TRAF6: variants seen among roughly 807,000 people sequenced by gnomAD.
The protein encoded by TRAF6 is TNF receptor associated factor 6, also known as TNF receptor-associated factor 6.
A neutral mutation model predicts 48.4 loss-of-function variants in TRAF6; 10 were observed. The observed-to-expected ratio is 0.21, with a 90% CI of 0.13 to 0.35. The LOEUF is 0.35. Ranked by LOEUF, TRAF6 falls within the 10% of genes least tolerant of loss-of-function variation. The pLI is 1.00. For synonymous variants in TRAF6, 186 were observed against 219.6 expected, an observed-to-expected ratio of 0.85 and a Z score of 1.35; for missense variants, 397 against 661.0, an observed-to-expected ratio of 0.60 and a Z score of 4.38.
intron 4 of TRAF6, among the ~76,000 whole-genome samples, chr11:36,496,892 T>C (rs1374191947): frequency 6.6e-6 from 1 of 152,218 alleles, no homozygotes; most frequent in African/African-American, 2.4e-5. Flanking sequence ...CTAGTATAAA[T>C]GTTTTTTTAA....
chr11:36,492,585 G>A lies in TRAF6; in HGVS notation c.722C>T (p.Pro241Leu), dbSNP rs774636689. ...YDLDCPTAPI[P>L]CTFSTFGCHE... ...GCAACCAAAAGTACTGAATGTGCATGGAATTGGGGCTGTAGGGCAGTCTAG... is the reference window on the plus strand; with the variant it reads ...GCAACCAAAAGTACTGAATGTGCATAGAATTGGGGCTGTAGGGCAGTCTAG... The change falls in exon 6 of 7, where the codon CCA (proline) becomes CTA (leucine). Residue 241 changes from proline to leucine, a missense_variant. Pro to Leu is a moderately conservative substitution (Grantham distance 98). This residue lies in a region of TRAF6 where 245 missense variants were observed against 349.1 expected (regional missense o/e 0.70). Transcript: ENST00000526995. The A allele has an allele frequency of 1.9e-6, 3 of 1,611,644 alleles. No homozygotes were observed. Among genetic ancestry groups the A allele is most frequent in the African/African-American group, 1.3e-5 (1 of 74,722 alleles).
At chr11:36,493,289 T>G (rs1478601237) in intron 5 of TRAF6, among the ~76,000 whole-genome samples, 2 of 152,170 alleles carry the variant, frequency 1.3e-5, no homozygotes, top group Admixed American at 6.5e-5. Flanking sequence ...CTTTAGAAAT[T>G]TAATGTAGCT....
rs937792497 is a variant in TRAF6, at chr11:36,490,995, C to A, written c.757-345G>T. Among the ~76,000 whole-genome samples, 1 of 152,168 alleles carries A rather than the reference C, an allele frequency of 6.6e-6. No homozygotes were observed. Among genetic ancestry groups the A allele is most frequent in the African/African-American group, 2.4e-5 (1 of 41,454 alleles). ...GCTCTAAATGTTACCTGACCTGTTG[C>A]GACACCCCAGAGATTTTACTCAGTG... On this transcript the variant is annotated intron_variant, in intron 6 of 6. Transcript: ENST00000526995. The surrounding 1 kb of genome is among the most constrained non-coding windows in gnomAD (Gnocchi z 6.4).
At chr11:36,506,233 G>A (rs2133679388) in intron 1 of TRAF6, among the ~76,000 whole-genome samples, 1 of 152,112 alleles carries the variant, frequency 6.6e-6, no homozygotes, top group African/African-American at 2.4e-5. Flanking sequence ...ACTTCCTTAG[G>A]TAAATTTCCT....
rs756727944 is a variant in TRAF6, at chr11:36,492,514, A to G, written c.756+37T>C. The stretch of plus-strand genomic sequence containing the variant: ...CTACATGATGTAAATATTTTTTTTT[A>G]CTTATATTCAAGAATTAAAAGAAAA... On this transcript the variant is annotated intron_variant, in intron 6 of 6. Transcript: ENST00000526995. The G allele has an allele frequency of 8.3e-6, 12 of 1,443,414 alleles. No homozygotes were observed. In the South Asian group the frequency reaches 1.2e-4, roughly 15 times the overall value. The allele number at this position is 1,443,414 out of a possible 1,614,324, so 89.4% of individuals were successfully genotyped here. A position where few individuals can be genotyped will look rare whatever the true frequency, so the allele number is the denominator to read the frequency against.
At chr11:36,492,422 A>G in intron 6 of TRAF6, 129 bp downstream of exon 6, 1 of 773,138 alleles carries the variant, frequency 1.3e-6, no homozygotes, top group Non-Finnish European at 2.1e-6. Context: ...GCATCCATGA[A>G]TAACTCTATT....
intron 1 of TRAF6, among the ~76,000 whole-genome samples, 165 bp downstream of exon 1, chr11:36,509,883 C>G (rs937307775): frequency 2.0e-5 from 3 of 150,656 alleles, no homozygotes; most frequent in Non-Finnish European, 3.0e-5. Flanking sequence ...CGTCCCTGAC[C>G]TGTGAAAAGC....
At chr11:36,509,109 G>T in intron 1 of TRAF6, among the ~76,000 whole-genome samples, 1 of 152,142 alleles carries the variant, frequency 6.6e-6, no homozygotes, top group East Asian at 1.9e-4. Context: ...GAGAATGAAT[G>T]AAATGATAGC....
rs1387863955 is a variant in TRAF6 at position 36,486,729 on chromosome 11, TTCAAA to T, written c.*3104_*3108del. Among the ~76,000 whole-genome samples the T allele has an allele frequency of 6.6e-6, 1 of 152,154 alleles. No homozygotes were observed. Among genetic ancestry groups the T allele is most frequent in the Non-Finnish European group, 1.5e-5 (1 of 68,040 alleles). On this transcript the variant is annotated 3_prime_UTR_variant, in exon 7 of 7. Coordinates refer to ENST00000526995, the MANE Select transcript of TRAF6 (RefSeq NM_004620.4). ...AATAGATAGTAATAAACTACCAAACTTCAAATCAACATTCAGACTTGTTTGCCAAC... is the reference window on the plus strand; with the variant it reads ...AATAGATAGTAATAAACTACCAAACTTCAACATTCAGACTTGTTTGCCAAC...
chr11:36,485,329 G>A lies in TRAF6; in HGVS notation c.*4509C>T, dbSNP rs1289128066. On this transcript the variant is annotated 3_prime_UTR_variant, in exon 7 of 7. Transcript: ENST00000526995. The stretch of plus-strand genomic sequence containing the variant: ...TTCATTATTACGTATTTGAGTGTGT[G>A]CAACGTGCCAGGCACTGTGGTAAGA... 1.3e-5 allele frequency among the ~76,000 whole-genome samples: 2 copies of A among 152,190 alleles called. No individual in the cohort carries two copies. Among genetic ancestry groups the A allele is most frequent in the Non-Finnish European group, 1.5e-5 (1 of 68,050 alleles).
intron 3 of TRAF6, among the ~76,000 whole-genome samples, chr11:36,498,099 T>C (rs1859665396): frequency 6.6e-6 from 1 of 152,116 alleles, no homozygotes. Flanking sequence ...TTGGTCAGGC[T>C]GGTCTTGAAC....
intron 1 of TRAF6, among the ~76,000 whole-genome samples, chr11:36,509,555 G>A (rs1045807278): frequency 6.6e-6 from 1 of 152,166 alleles, no homozygotes; most frequent in Non-Finnish European, 1.5e-5. Context: ...ATTTAAGCAG[G>A]TGTTTGCTCC....
intron 1 of TRAF6, among the ~76,000 whole-genome samples, chr11:36,506,072 G>A (rs1425126767): frequency 4.6e-5 from 7 of 151,926 alleles, no homozygotes; most frequent in East Asian, 1.9e-4. Flanking sequence ...GTGAGCACAC[G>A]CTGTTGGAAA....
intron 3 of TRAF6, 22 bp from the exon 4 acceptor site, chr11:36,497,288 A>C: frequency 6.3e-7 from 1 of 1,599,542 alleles, no homozygotes. Flanking sequence ...AAAATAATGG[A>C]TTAGCATTAG....
intron 1 of TRAF6, among the ~76,000 whole-genome samples, chr11:36,507,966 C>T (rs985463649): frequency 6.6e-6 from 1 of 151,280 alleles, no homozygotes; most frequent in African/African-American, 2.4e-5. Flanking sequence ...AGTGATCCTC[C>T]CACCTCAGTC....
At position 36,489,540 on chromosome 11, in the gene TRAF6, A is replaced by G. The variant is rs1859532579; in HGVS notation, c.*298T>C. On this transcript the variant is annotated 3_prime_UTR_variant, in exon 7 of 7. Transcript: ENST00000526995. The stretch of plus-strand genomic sequence containing the variant: ...ACTTTCTGACAATAAAATACACCAG[A>G]GCAAAAGCCCAAGAAAGTACAACAA... 1 of 344,452 alleles carries G rather than the reference A, an allele frequency of 2.9e-6. No individual in the cohort carries two copies. Among genetic ancestry groups the G allele is most frequent in the Admixed American group, 4.4e-5 (1 of 22,584 alleles). The allele number at this position is 344,452 out of a possible 1,614,324, so 21.3% of individuals were successfully genotyped here.
rs1429532893 is a variant in TRAF6 at position 36,497,217 on chromosome 11, T to C, written c.497A>G (p.Gln166Arg). The C allele has an allele frequency of 1.9e-6, 3 of 1,613,902 alleles. No individual in the cohort carries two copies. Among genetic ancestry groups the C allele is most frequent in the Non-Finnish European group, 2.5e-6 (3 of 1,179,976 alleles). ...EFALMDCPQC[Q>R]RPFQKFHINI... ...AATATGGAATTTTTGGAAGGGACGC[T>C]GGCATTGGGGACAATCCATAAGAGC... Residue 166 changes from glutamine to arginine, a missense_variant, in exon 4 of 7, where the codon CAG becomes CGG. Physicochemically the swap from Gln to Arg is conservative, Grantham distance 43 (BLOSUM62 1). This residue lies in a region of TRAF6 where 245 missense variants were observed against 349.1 expected (regional missense o/e 0.70). Coordinates refer to ENST00000526995, the MANE Select transcript of TRAF6 (RefSeq NM_004620.4).
At chr11:36,494,922 A>G (rs1162906132) in intron 5 of TRAF6, 54 bp downstream of exon 5, 4 of 1,285,782 alleles carry the variant, frequency 3.1e-6, no homozygotes, top group Non-Finnish European at 4.4e-6. Context: ...AAAAAACCTA[A>G]TTCACTTCTT....
intron 4 of TRAF6, among the ~76,000 whole-genome samples, chr11:36,495,806 C>T (rs370812365): frequency 6.6e-6 from 1 of 151,992 alleles, no homozygotes; most frequent in African/African-American, 2.4e-5. Flanking sequence ...GCAGGAGAAT[C>T]GCTTGAACCC....
Sources: allele counts gnomAD v4.1 joint callset (sites outside exome capture counted in the v4.1 genomes callset), GRCh38; gene constraint gnomAD v4.1.1; regional missense constraint gnomAD v4.1.1; non-coding constraint Gnocchi (gnomAD v3.1); transcripts MANE v1.5; gene names NCBI Gene and HGNC (gene_info 2026-07-23, HGNC 2026-07-21).